The following SDK1 variants were observed in gnomAD, a reference collection of about 807,000 sequenced individuals.
SDK1 encodes the protein protein sidekick-1.
Under a neutral mutation model 245.5 loss-of-function variants are expected in SDK1, and 157 were observed. That is an observed-to-expected ratio of 0.64 (90% CI 0.56 to 0.73). SDK1 has a LOEUF of 0.73. SDK1 is among the 30% of genes least tolerant of loss of function. SDK1 has a pLI of 0.00. For missense variants in SDK1, 3,583 were observed against 3,002.3 expected (o/e 1.19, Z -4.52); for synonymous variants, 1,647 against 1,278.5 (o/e 1.29, Z -6.15).
In SDK1 at chr7:4,116,391, G is replaced by A. The variant is rs921630358; in HGVS notation, c.3823+2117G>A. Among the ~76,000 whole-genome samples, 9 of 152,152 alleles carry A rather than the reference G, an allele frequency of 5.9e-5. No individual in the cohort carries two copies. In the East Asian group the frequency reaches 7.7e-4, roughly 13 times the overall value. On this transcript the variant is annotated intron_variant, in intron 25 of 44. Transcript: ENST00000404826. ...TGGGTCCAGCAGCGCCCAGCACACC[G>A]AGGGCACCAGCACGTGCCCAGTGCA... is the stretch of plus-strand genomic sequence containing the variant.
chr7:3,423,420 T>A (rs1244774076), intron 1 of SDK1, among the ~76,000 whole-genome samples: 1 of 152,184 alleles, frequency 6.6e-6, no homozygotes, highest in Non-Finnish European at 1.5e-5. Context: ...CTAATGATTG[T>A]CTTCATCAAA....
At chr7:4,150,067 C>G (rs1305785468) in intron 30 of SDK1, among the ~76,000 whole-genome samples, 3 of 152,094 alleles carry the variant, frequency 2.0e-5, no homozygotes, top group Non-Finnish European at 4.4e-5. Flanking sequence ...CTGTGGGTCC[C>G]CCAGGGTCCT....
intron 4 of SDK1, among the ~76,000 whole-genome samples, chr7:3,645,872 T>A (rs1208740908): frequency 6.6e-6 from 1 of 152,038 alleles, no homozygotes; most frequent in Non-Finnish European, 1.5e-5. Flanking sequence ...TTATTTTTAT[T>A]TTTTGAGATG....
chr7:3,858,786 G>A (rs6951613), intron 5 of SDK1, among the ~76,000 whole-genome samples: 7,818 of 150,548 alleles, frequency 0.052, 662 homozygotes, highest in African/African-American at 0.18. Flanking sequence ...ATAAGAATGA[G>A]CAATAGTGTT....
intron 1 of SDK1, among the ~76,000 whole-genome samples, chr7:3,508,082 A>C (rs1370484581): frequency 2.0e-5 from 3 of 152,106 alleles, no homozygotes; most frequent in African/African-American, 7.2e-5. Context: ...CTGACCAGGC[A>C]TAAACTGCTA....
At chr7:3,782,192 G>A (rs888263535) in intron 4 of SDK1, among the ~76,000 whole-genome samples, 16 of 152,190 alleles carry the variant, frequency 1.1e-4, no homozygotes, top group Non-Finnish European at 1.5e-4. Flanking sequence ...AGGGCCTCAG[G>A]AAGCTTACAA....
intron 5 of SDK1, among the ~76,000 whole-genome samples, chr7:3,838,880 A>G (rs1441011758): frequency 3.9e-5 from 6 of 152,224 alleles, no homozygotes; most frequent in East Asian, 1.9e-4. Context: ...AAGTTAGACA[A>G]TGAAGGAGGA....
At chr7:3,815,835 A>G (rs1285685312) in intron 4 of SDK1, among the ~76,000 whole-genome samples, 23 of 149,436 alleles carry the variant, frequency 1.5e-4, no homozygotes, top group Admixed American at 4.7e-4. Context: ...AATTGACCAC[A>G]TAGTTGGAAG....
At chr7:3,461,830 C>T (rs747251275) in intron 1 of SDK1, among the ~76,000 whole-genome samples, 2 of 152,140 alleles carry the variant, frequency 1.3e-5, no homozygotes, top group African/African-American at 4.8e-5. Context: ...AGTATCTCCA[C>T]TTGGGTTTTG....
intron 1 of SDK1, among the ~76,000 whole-genome samples, chr7:3,332,071 G>A (rs1308800233): frequency 6.6e-6 from 1 of 151,988 alleles, no homozygotes; most frequent in African/African-American, 2.4e-5. Flanking sequence ...TCTGTTTCAG[G>A]TTAAAAAATA....
intron 5 of SDK1, among the ~76,000 whole-genome samples, chr7:3,902,225 C>T (rs999229775): frequency 1.3e-5 from 2 of 152,188 alleles, no homozygotes; most frequent in African/African-American, 4.8e-5. Context: ...TATTTTAAAT[C>T]ATGAGTTTAC....
intron 26 of SDK1, among the ~76,000 whole-genome samples, chr7:4,128,408 G>A (rs141600564): frequency 1.4e-4 from 21 of 152,332 alleles, no homozygotes; most frequent in East Asian, 5.8e-4. Flanking sequence ...CTGGGGCCCC[G>A]AGAAACGCGC....
In SDK1 at chr7:3,403,808, G is replaced by A. The variant is rs538982869; in HGVS notation, c.298+101924G>A. Among the ~76,000 whole-genome samples the A allele has an allele frequency of 8.7e-5, 10 of 114,772 alleles. No individual in the cohort carries two copies. The South Asian group carries it at 2.3e-3, about 26-fold the overall frequency. The allele number at this position is 114,772 out of a possible 152,430, so 75.3% of individuals were successfully genotyped here. A position where few individuals can be genotyped will look rare whatever the true frequency, so the allele number is the denominator to read the frequency against. ...CTCTGTTTCCAAGCTGCATTACAGGGATTTGAAATATCTTACATATATATA... is the reference window on the plus strand; with the variant it reads ...CTCTGTTTCCAAGCTGCATTACAGGAATTTGAAATATCTTACATATATATA... On this transcript the variant is annotated intron_variant, in intron 1 of 44. Coordinates refer to ENST00000404826, the MANE Select transcript of SDK1 (RefSeq NM_152744.4).
chr7:4,129,476 C>T (rs548900919), intron 26 of SDK1, among the ~76,000 whole-genome samples: 8 of 152,178 alleles, frequency 5.3e-5, no homozygotes, highest in South Asian at 2.1e-4. Flanking sequence ...CCAGAGCTCC[C>T]GGTCTGTGTG....
At position 4,099,473 on chromosome 7, in the gene SDK1, C is replaced by T. The variant is rs192056445; in HGVS notation, c.3325-11190C>T. On this transcript the variant is annotated intron_variant, in intron 22 of 44. Transcript: ENST00000404826. ...GGACTGCCTGGTGTCACAGTCTCAG[C>T]GGGCTCCGGGGCTGGGGGCTGTTCC... Among the ~76,000 whole-genome samples, 18 of 129,308 alleles carry T rather than the reference C, an allele frequency of 1.4e-4. No individual in the cohort carries two copies. The East Asian group carries it at 1.8e-3, about 13-fold the overall frequency. 84.8% of individuals were successfully genotyped at this position (129,308 alleles called of 152,430 possible).
intron 1 of SDK1, among the ~76,000 whole-genome samples, chr7:3,393,671 A>G (rs914937259): frequency 2.0e-5 from 3 of 152,174 alleles, no homozygotes; most frequent in African/African-American, 4.8e-5. Context: ...TACATTTTTC[A>G]ACTCCAGAAT....
intron 5 of SDK1, among the ~76,000 whole-genome samples, chr7:3,869,153 C>CTTTT (rs751723918): frequency 3.7e-4 from 43 of 117,094 alleles, no homozygotes; most frequent in East Asian, 4.8e-4. Context: ...TTTTTCATTT[C>CTTTT]TTTTTTTTTT....
chr7:3,984,558 C>T (rs1783672752), intron 13 of SDK1, among the ~76,000 whole-genome samples: 1 of 152,114 alleles, frequency 6.6e-6, no homozygotes, highest in South Asian at 2.1e-4. Flanking sequence ...CTGTTGTCTC[C>T]CAGGAGCCTG....
chr7:3,850,977 T>G (rs1246953990), intron 5 of SDK1, among the ~76,000 whole-genome samples: 1 of 152,186 alleles, frequency 6.6e-6, no homozygotes, highest in Admixed American at 6.5e-5. Flanking sequence ...CTGCACGTTG[T>G]GCAAGTGTAC....
Sources: allele counts gnomAD v4.1 joint callset (sites outside exome capture counted in the v4.1 genomes callset), GRCh38; gene constraint gnomAD v4.1.1; transcripts MANE v1.5; gene names NCBI Gene and HGNC (gene_info 2026-07-23, HGNC 2026-07-21).